KCNJ6: variants seen among roughly 807,000 people sequenced by gnomAD.
KCNJ6 encodes the protein potassium inwardly rectifying channel subfamily J member 6.
A neutral mutation model predicts 34.2 loss-of-function variants in KCNJ6; 9 were observed. The ratio of observed to expected loss-of-function variants is 0.26; its 90% CI spans 0.16 to 0.46. KCNJ6 has a LOEUF of 0.46. KCNJ6 is among the 20% of genes least tolerant of loss of function. The pLI is 1.00. For synonymous variants in KCNJ6, 196 were observed against 207.1 expected (o/e 0.95, Z 0.46); for missense variants, 236 against 531.3 (o/e 0.44, Z 5.46).
chr21:37,874,308 T>G (rs1366879025), intron 1 of KCNJ6, among the ~76,000 whole-genome samples: 1 of 152,164 alleles, frequency 6.6e-6, no homozygotes, highest in Non-Finnish European at 1.5e-5. Flanking sequence ...TCTTTGCTGG[T>G]TTCTCACTAT....
chr21:37,842,737 A>G (rs998724097), intron 1 of KCNJ6, among the ~76,000 whole-genome samples: 5 of 152,194 alleles, frequency 3.3e-5, no homozygotes, highest in African/African-American at 1.2e-4. Context: ...CTCTTACCAC[A>G]ATGCCGGTTC....
intron 2 of KCNJ6, among the ~76,000 whole-genome samples, chr21:37,750,753 G>T (rs1365263873): frequency 6.6e-6 from 1 of 152,176 alleles, no homozygotes; most frequent in Non-Finnish European, 1.5e-5. Flanking sequence ...AGGGGAGGGA[G>T]AGCATTAGGA....
chr21:37,884,605 G>A (rs2055726005), intron 1 of KCNJ6, among the ~76,000 whole-genome samples: 1 of 152,136 alleles, frequency 6.6e-6, no homozygotes, highest in Non-Finnish European at 1.5e-5. Context: ...CCTGCCCAAA[G>A]CCCCAAAGTA....
chr21:37,646,212 T>C (rs1420193867), intron 3 of KCNJ6, among the ~76,000 whole-genome samples: 1 of 152,216 alleles, frequency 6.6e-6, no homozygotes, highest in Admixed American at 6.5e-5. Flanking sequence ...GTTTAGCATT[T>C]CAAATATTTT....
intron 2 of KCNJ6, among the ~76,000 whole-genome samples, chr21:37,814,636 C>A (rs2156073): frequency 0.18 from 28,128 of 152,072 alleles, 4,036 homozygotes; most frequent in East Asian, 0.43. Flanking sequence ...TGGCAACTCA[C>A]GCCTGTAATC....
At chr21:37,670,343 T>C (rs2054535770) in intron 3 of KCNJ6, among the ~76,000 whole-genome samples, 1 of 152,206 alleles carries the variant, frequency 6.6e-6, no homozygotes, top group South Asian at 2.1e-4. Context: ...TTTGGCCATT[T>C]GGGGACCCTT....
At chr21:37,810,363 C>T (rs1324476131) in intron 2 of KCNJ6, among the ~76,000 whole-genome samples, 1 of 152,154 alleles carries the variant, frequency 6.6e-6, no homozygotes, top group Non-Finnish European at 1.5e-5. Context: ...ACCTTGCATA[C>T]ATCTCTTGGT....
chr21:37,648,320 C>T (rs1489656727), intron 3 of KCNJ6, among the ~76,000 whole-genome samples: 1 of 152,150 alleles, frequency 6.6e-6, no homozygotes, highest in Non-Finnish European at 1.5e-5. Flanking sequence ...TCACTCAAAC[C>T]TTCATGAATG....
rs10527592 is a variant in KCNJ6, at chr21:37,630,134, C to CTGTGTGTGTGTGTGTGTGTGTGTGTG, written c.947-4651_947-4650insCACACACACACACACACACACACACA. Among the ~76,000 whole-genome samples the CTGTGTGTGTGTGTGTGTGTGTGTGTG allele has an allele frequency of 8.9e-3, 1,284 of 144,206 alleles. 15 individuals carry two copies. Among genetic ancestry groups the CTGTGTGTGTGTGTGTGTGTGTGTGTG allele is most frequent in the South Asian group, 0.025 (109 of 4,316 alleles). The allele number at this position is 144,206 out of a possible 152,430, so 94.6% of individuals were successfully genotyped here. On this transcript the variant is annotated intron_variant, in intron 3 of 3. Transcript: ENST00000609713. ...AGGCAGAACTGCCAAGATGACATCTCTGTGTGTGTGTGTGTGTGTGTGTGG... is the reference window on the plus strand; with the variant it reads ...AGGCAGAACTGCCAAGATGACATCTCTGTGTGTGTGTGTGTGTGTGTGTGTGTGTGTGTGTGTGTGTGTGTGTGTGG...
chr21:37,806,683 A>C (rs1043792709), intron 2 of KCNJ6, among the ~76,000 whole-genome samples: 1 of 152,252 alleles, frequency 6.6e-6, no homozygotes, highest in Non-Finnish European at 1.5e-5. Context: ...CTAGTCATTA[A>C]CTATACAATC....
chr21:37,746,445 G>C (rs950764259), intron 2 of KCNJ6, among the ~76,000 whole-genome samples: 29 of 152,184 alleles, frequency 1.9e-4, no homozygotes, highest in Admixed American at 1.6e-3. Flanking sequence ...GAGGGGAAGG[G>C]AGGTGAGGGT....
intron 1 of KCNJ6, among the ~76,000 whole-genome samples, chr21:37,897,645 C>T (rs1479570395): frequency 6.6e-6 from 1 of 152,174 alleles, no homozygotes; most frequent in Non-Finnish European, 1.5e-5. Flanking sequence ...ACACTGCCCT[C>T]TAGTCCCTCA....
intron 1 of KCNJ6, among the ~76,000 whole-genome samples, chr21:37,886,214 T>C (rs2055734820): frequency 6.6e-6 from 1 of 152,164 alleles, no homozygotes; most frequent in Non-Finnish European, 1.5e-5. Flanking sequence ...AAAACCCAAC[T>C]CTTGATCTTT....
intron 1 of KCNJ6, among the ~76,000 whole-genome samples, chr21:37,870,330 C>G (rs2055644731): frequency 6.6e-6 from 1 of 151,612 alleles, no homozygotes; most frequent in Non-Finnish European, 1.5e-5. Flanking sequence ...CATCAATAGC[C>G]AGCATTAAAC....
intron 3 of KCNJ6, among the ~76,000 whole-genome samples, chr21:37,635,380 G>A (rs1310460674): frequency 6.6e-6 from 1 of 151,676 alleles, no homozygotes; most frequent in East Asian, 2.0e-4. Context: ...AGCACGCCCG[G>A]CTAATTTTTG....
At position 37,679,144 on chromosome 21, in the gene KCNJ6, G is replaced by A. The variant is rs910754090; in HGVS notation, c.946+35067C>T. Among the ~76,000 whole-genome samples the A allele has an allele frequency of 4.6e-5, 7 of 152,170 alleles. No homozygotes were observed. The East Asian group carries it at 1.3e-3, about 29-fold the overall frequency. ...AGGCCTCCTGTCAACAGCCATATTA[G>A]TGTATCATCTTGGAAGTGGATCCTC... On this transcript the variant is annotated intron_variant, in intron 3 of 3. Transcript: ENST00000609713.
At chr21:37,854,279 G>C (rs2055553440) in intron 1 of KCNJ6, among the ~76,000 whole-genome samples, 1 of 151,908 alleles carries the variant, frequency 6.6e-6, no homozygotes, top group Non-Finnish European at 1.5e-5. Flanking sequence ...AAAAAGTATG[G>C]CAATATTATT....
chr21:37,685,173 C>T (rs1171921372), intron 3 of KCNJ6, among the ~76,000 whole-genome samples: 1 of 152,026 alleles, frequency 6.6e-6, no homozygotes, highest in African/African-American at 2.4e-5. Context: ...CAACTACATG[C>T]TAGAAAACAC....
intron 2 of KCNJ6, among the ~76,000 whole-genome samples, chr21:37,826,215 C>T (rs577835447): frequency 2.0e-5 from 3 of 152,150 alleles, no homozygotes; most frequent in South Asian, 2.1e-4. Flanking sequence ...TAGAAATGTG[C>T]GAATAGTTAC....
Sources: gnomAD v4.1 joint callset for allele counts (sites outside exome capture counted in the v4.1 genomes callset) on GRCh38, gnomAD v4.1.1 for gene constraint, MANE v1.5 for transcripts, NCBI Gene and HGNC (gene_info 2026-07-23, HGNC 2026-07-21) for gene names.